NT5C2: variants seen among roughly 807,000 people sequenced by gnomAD.
The protein encoded by NT5C2 is 5'-nucleotidase, cytosolic II.
NT5C2 carries 58 observed loss-of-function variants against 76.1 expected under a neutral mutation model. The observed-to-expected ratio is 0.76, with a 90% confidence interval of 0.62 to 0.95. The LOEUF (loss-of-function observed/expected upper bound fraction) is 0.95, where lower values mean the gene tolerates loss of function less well. NT5C2 is among the 40% of genes least tolerant of loss of function. NT5C2 has a pLI of 0.00. For synonymous variants in NT5C2, 229 were observed against 237.4 expected (o/e 0.96, Z 0.32); for missense variants, 478 against 690.3 (o/e 0.69, Z 3.45).
In NT5C2 at chr10:103,101,275, A is replaced by C; in HGVS notation, c.441T>G (p.Thr147=). Residue 147 remains threonine (T), a synonymous_variant, in exon 7 of 19, where the codon ACT becomes ACG. Transcript: ENST00000404739. The part of the protein sequence containing the change: ...YPNKFIQRDD[T]ERFYILNTLF... Reference sequence around the variant, plus strand: ...GTGTGTTCAGAATGTAAAATCTTTCAGTATCATCTCGCTGGATAAATTTAT... The same window carrying C: ...GTGTGTTCAGAATGTAAAATCTTTCCGTATCATCTCGCTGGATAAATTTAT... The C allele has an allele frequency of 1.2e-6, 2 of 1,609,552 alleles. No homozygotes were observed. Among genetic ancestry groups the C allele is most frequent in the South Asian group, 1.1e-5 (1 of 90,766 alleles).
chr10:103,117,721 T>C (rs1211290353), intron 4 of NT5C2, among the ~76,000 whole-genome samples: 4 of 152,232 alleles, frequency 2.6e-5, no homozygotes. Context: ...TATTCTAGTA[T>C]TGCAACCACT....
intron 4 of NT5C2, among the ~76,000 whole-genome samples, chr10:103,128,591 G>A (rs543863566): frequency 4.5e-5 from 3 of 66,164 alleles, no homozygotes; most frequent in East Asian, 4.3e-4. Flanking sequence ...GAGCGTCTCC[G>A]CCCGGCCGCC....
chr10:103,105,921 T>C, intron 5 of NT5C2, 120 bp from the exon 6 acceptor site: 1 of 605,394 alleles, frequency 1.7e-6, no homozygotes, highest in South Asian at 2.3e-5. Flanking sequence ...CAACTCAAAG[T>C]ATGTCCTAAT....
intron 1 of NT5C2, among the ~76,000 whole-genome samples, chr10:103,182,817 T>C (rs1338284235): frequency 6.6e-6 from 1 of 152,208 alleles, no homozygotes; most frequent in Non-Finnish European, 1.5e-5. Context: ...ATATTACTCA[T>C]GTTAAACTAG....
chr10:103,100,653 A>C, intron 8 of NT5C2: 1 of 471,002 alleles, frequency 2.1e-6, no homozygotes, highest in Non-Finnish European at 4.2e-6. Flanking sequence ...TGGGAATGAA[A>C]TTAAATTACC....
chr10:103,094,358 T>G lies in NT5C2; in HGVS notation c.911A>C (p.Gln304Pro). 1.3e-6 allele frequency: 2 copies of G among 1,591,784 alleles called. No homozygotes were observed. The highest frequency in any genetic ancestry group is 1.7e-6 in the Non-Finnish European group (2 of 1,159,726). ...ATTCTCATGACTTACAGTATCCACC[T>G]GACGCAGTACTGTGCCTTCTCCAAA... Reference protein sequence around the residue: ...LFFGEGTVLRQVDTKTGKLKI... With the variant: ...LFFGEGTVLRPVDTKTGKLKI... Residue 304 changes from glutamine (Q) to proline (P), a missense_variant, in exon 13 of 19, where the codon CAG becomes CCG. Gln to Pro is a moderately conservative substitution (Grantham distance 76). Transcript: ENST00000404739.
At chr10:103,189,614 A>G (rs1440403883) in intron 1 of NT5C2, among the ~76,000 whole-genome samples, 1 of 151,874 alleles carries the variant, frequency 6.6e-6, no homozygotes, top group Non-Finnish European at 1.5e-5. Context: ...CAAAAAAAAA[A>G]ACGAAAAAAA....
chr10:103,090,134 G>A, intron 18 of NT5C2: 1 of 442,272 alleles, frequency 2.3e-6, no homozygotes. Flanking sequence ...CTGGAAATTG[G>A]AAAAGATGGA....
intron 4 of NT5C2, among the ~76,000 whole-genome samples, chr10:103,117,093 A>G (rs1267573281): frequency 6.6e-6 from 1 of 152,204 alleles, no homozygotes; most frequent in Non-Finnish European, 1.5e-5. Context: ...ACGACACCAA[A>G]GTAGCTTAGT....
At chr10:103,130,209 A>G (rs1222821023) in intron 4 of NT5C2, among the ~76,000 whole-genome samples, 3 of 151,634 alleles carry the variant, frequency 2.0e-5, no homozygotes, top group Non-Finnish European at 3.0e-5. Context: ...GTTCTGCACT[A>G]AGAAAAATTC....
intron 1 of NT5C2, among the ~76,000 whole-genome samples, chr10:103,191,370 A>G (rs1222071763): frequency 6.0e-5 from 9 of 149,740 alleles, no homozygotes; most frequent in African/African-American, 7.4e-5. Flanking sequence ...CAACAAGAGC[A>G]AAGCTCCGTC....
intron 13 of NT5C2, 61 bp downstream of exon 13, chr10:103,094,287 T>C (rs1590678341): frequency 1.2e-5 from 13 of 1,086,744 alleles, no homozygotes; most frequent in South Asian, 1.2e-4. Context: ...AGAGTAAGAG[T>C]GGGGGAAGGA....
intron 4 of NT5C2, among the ~76,000 whole-genome samples, chr10:103,110,497 T>G (rs2072717942): frequency 6.6e-6 from 1 of 151,994 alleles, no homozygotes; most frequent in Non-Finnish European, 1.5e-5. Context: ...AGGGTATATA[T>G]ACTACCACTG....
intron 2 of NT5C2, 93 bp from the exon 3 acceptor site, chr10:103,175,075 A>C (rs531748497): frequency 6.3e-5 from 43 of 685,306 alleles, no homozygotes; most frequent in Middle Eastern, 5.7e-4. Flanking sequence ...TCCAGCTTGC[A>C]AACTGCCTAA....
chr10:103,154,112 C>T (rs2082881899), intron 3 of NT5C2, among the ~76,000 whole-genome samples: 1 of 152,070 alleles, frequency 6.6e-6, no homozygotes, highest in Non-Finnish European at 1.5e-5. Flanking sequence ...TTCCTGCCTC[C>T]CGACCAATAT....
chr10:103,150,600 CTT>C (rs2082230590), intron 3 of NT5C2, among the ~76,000 whole-genome samples: 1 of 152,198 alleles, frequency 6.6e-6, no homozygotes, highest in Non-Finnish European at 1.5e-5. Flanking sequence ...TGCCAAAACT[CTT>C]TTCTCTTTTG....
chr10:103,130,060 A>G (rs2077798676), intron 4 of NT5C2, among the ~76,000 whole-genome samples: 1 of 151,842 alleles, frequency 6.6e-6, no homozygotes, highest in Non-Finnish European at 1.5e-5. Flanking sequence ...GGTGTGCCCA[A>G]CAGCTCATTG....
At chr10:103,182,407 C>G (rs797013134) in intron 1 of NT5C2, among the ~76,000 whole-genome samples, 21 of 151,940 alleles carry the variant, frequency 1.4e-4, no homozygotes, top group African/African-American at 4.6e-4. Context: ...GAAGCCGAGG[C>G]GGGTGGATCA....
chr10:103,091,371 G>C (rs1336013113), intron 16 of NT5C2, among the ~76,000 whole-genome samples, 193 bp downstream of exon 16: 2 of 149,638 alleles, frequency 1.3e-5, no homozygotes, highest in African/African-American at 4.9e-5. Flanking sequence ...TTGAGACGGA[G>C]TTTCACTCTT....
Sources: allele counts gnomAD v4.1 joint callset (sites outside exome capture counted in the v4.1 genomes callset), GRCh38; gene constraint gnomAD v4.1.1; transcripts MANE v1.5; gene names NCBI Gene and HGNC (gene_info 2026-07-23, HGNC 2026-07-21).